CUL9: variants seen among roughly 807,000 people sequenced by gnomAD.
CUL9 encodes the protein cullin 9.
CUL9 carries 79 observed loss-of-function variants against 272.6 expected under a neutral mutation model. The ratio of observed to expected loss-of-function variants is 0.29; its 90% CI spans 0.24 to 0.35. The LOEUF (loss-of-function observed/expected upper bound fraction) is 0.35. Among genes scored for constraint, CUL9 ranks in the 10% least tolerant of loss-of-function variants. CUL9 has a pLI of 1.00. For synonymous variants in CUL9, 1,186 were observed against 1,286.5 expected, an observed-to-expected ratio of 0.92 and a Z score of 1.67; for missense variants, 2,532 against 3,255.6, an observed-to-expected ratio of 0.78 and a Z score of 5.41.
intron 9 of CUL9, among the ~76,000 whole-genome samples, chr6:43,193,616 G>A (rs759657746): frequency 3.9e-5 from 6 of 152,038 alleles, no homozygotes; most frequent in East Asian, 1.9e-4. Flanking sequence ...GCGCTATCTC[G>A]GGTCACTACA....
intron 8 of CUL9, among the ~76,000 whole-genome samples, chr6:43,191,523 G>A (rs1165405378): frequency 7.8e-6 from 1 of 128,126 alleles, no homozygotes; most frequent in Non-Finnish European, 1.6e-5. Flanking sequence ...GTAGAGATGG[G>A]GTCTCACTAT....
intron 11 of CUL9, among the ~76,000 whole-genome samples, chr6:43,197,546 C>T (rs1562029404): frequency 6.6e-6 from 1 of 151,800 alleles, no homozygotes; most frequent in African/African-American, 2.4e-5. Context: ...TGCAGTTGCA[C>T]GATCTCTGCT....
intron 24 of CUL9, 33 bp downstream of exon 24, chr6:43,205,456 A>G: frequency 1.9e-6 from 3 of 1,603,376 alleles, no homozygotes; most frequent in Non-Finnish European, 2.6e-6. Context: ...AGGGGATGGG[A>G]GGCCTAGATC....
chr6:43,213,041 G>A lies in CUL9; in HGVS notation c.5213-108G>A, dbSNP rs1234725025. Reference sequence around the variant, plus strand: ...TATCTCTCTGTCTGAAAATGCTGGGGCCCTCCTCCCCATAGGGACTAGTAG... The same window carrying A: ...TATCTCTCTGTCTGAAAATGCTGGGACCCTCCTCCCCATAGGGACTAGTAG... On this transcript the variant is annotated intron_variant, in intron 26 of 40. Coordinates refer to ENST00000252050, the MANE Select transcript of CUL9 (RefSeq NM_015089.4). The surrounding 1 kb of genome is among the most constrained non-coding windows in gnomAD (Gnocchi z 5.7). 5.6e-6 allele frequency: 7 copies of A among 1,244,080 alleles called. No individual in the cohort carries two copies. The Admixed American group carries it at 1.3e-4, about 24-fold the overall frequency. 77.1% of individuals were successfully genotyped at this position (1,244,080 alleles called of 1,614,324 possible). A position where few individuals can be genotyped will look rare whatever the true frequency, so the allele number is the denominator to read the frequency against.
Position 43,221,788 on chromosome 6 carries a change from TG to T in CUL9, c.6846+13del. The T allele has an allele frequency of 6.2e-7, 1 of 1,609,550 alleles. No individual in the cohort carries two copies. On this transcript the variant is annotated intron_variant, in intron 35 of 40. Coordinates refer to ENST00000252050, the MANE Select transcript of CUL9 (RefSeq NM_015089.4). This position sits in a 1 kb window ranked among gnomAD's most constrained non-coding sequence, Gnocchi z 4.2. ...CAACTGCTCTGCCATGGTAAGGCGC[TG>T]GGCACTAGGGGAGGGCAGAGGCCCA... is the stretch of plus-strand genomic sequence containing the variant.
At position 43,186,467 on chromosome 6, in the gene CUL9, A is replaced by T; in HGVS notation, c.1251+12A>T. On this transcript the variant is annotated intron_variant, in intron 4 of 40. Coordinates refer to ENST00000252050, the MANE Select transcript of CUL9 (RefSeq NM_015089.4). ...TTCCCCCTGTGCAGGTGGGCAGCAC[A>T]TGGTGGTGAGACACTGTTGGGAGTT... The T allele has an allele frequency of 6.4e-7, 1 of 1,574,590 alleles. No individual in the cohort carries two copies. Among genetic ancestry groups the T allele is most frequent in the South Asian group, 1.2e-5 (1 of 85,376 alleles).
rs764292986 is a variant in CUL9, at chr6:43,205,379, C to T, written c.4749C>T (p.Val1583=). 47 of 1,614,162 alleles carry T rather than the reference C, an allele frequency of 2.9e-5. 2 individuals are homozygous for T. The South Asian group carries it at 5.2e-4, about 18-fold the overall frequency. Residue 1583 remains valine (V), a synonymous_variant, in exon 24 of 41, where the codon GTC becomes GTT. Transcript: ENST00000252050. Reference sequence around the variant, plus strand: ...AGCGGCACCTGGAACCCATTATGGTCCTTTCTGGTCTGGAACTGGCCACAA... The same window carrying T: ...AGCGGCACCTGGAACCCATTATGGTTCTTTCTGGTCTGGAACTGGCCACAA... The part of the protein sequence containing the change: ...QLQRHLEPIM[V]LSGLELATTF...
intron 2 of CUL9, 24 bp from the exon 3 acceptor site, chr6:43,185,432 A>G: frequency 6.2e-7 from 1 of 1,608,138 alleles, no homozygotes; most frequent in Non-Finnish European, 8.5e-7. Flanking sequence ...TGAGGAGAAG[A>G]TATGGATTGG....
intron 30 of CUL9, 129 bp downstream of exon 30, chr6:43,215,455 C>G: frequency 7.4e-7 from 1 of 1,354,618 alleles, no homozygotes; most frequent in Admixed American, 2.8e-5. Flanking sequence ...TGTTATTTCC[C>G]TGACTTTGGT....
chr6:43,191,252 T>TTGTGTGTGTGTGTGTGTGTGTG (rs58122260), intron 8 of CUL9, among the ~76,000 whole-genome samples: 2 of 126,974 alleles, frequency 1.6e-5, no homozygotes, highest in African/African-American at 3.2e-5. Flanking sequence ...CTAAATTGCA[T>TTGTGTGTGTGTGTGTGTGTGTG]TGTGTGTGTG....
Position 43,187,786 on chromosome 6 carries a change from G to A in CUL9, c.1655G>A (p.Ser552Asn). The change falls in exon 7 of 41, where the codon AGT (serine) becomes AAT (asparagine). Residue 552 changes from serine (S) to asparagine (N), a missense_variant. Transcript: ENST00000252050. ...EMAESLLQVL[S>N]SRFEGSTLND... is the part of the protein sequence containing the mutation. ...GCCGAGAGTCTGCTGCAGGTTCTCA[G>A]TAGTCGATTTGAGGGCAGCACTCTC... The A allele has an allele frequency of 1.2e-6, 2 of 1,613,928 alleles. No individual in the cohort carries two copies. The highest frequency in any genetic ancestry group is 1.7e-6 in the Non-Finnish European group (2 of 1,179,984).
At chr6:43,188,368 C>T in intron 7 of CUL9, 155 bp from the exon 8 acceptor site, 1 of 834,672 alleles carries the variant, frequency 1.2e-6, no homozygotes. Flanking sequence ...TTTGTTTGAT[C>T]ATTAGATCCC....
Position 43,186,176 on chromosome 6 carries a change from C to A in CUL9, c.972C>A (p.Ser324Arg). ...VRSMGWARNL[S>R]EQGMSPPRPT... ...GCATGGGCTGGGCCCGGAACCTCAG[C>A]GAACAGGGCATGTCACCTCCCCGGC... The change falls in exon 4 of 41, where the codon AGC becomes AGA. Residue 324 changes from serine (S) to arginine (R), a missense_variant. By Grantham distance (110) the Ser-to-Arg change is moderately radical (BLOSUM62 -1). Transcript: ENST00000252050. 2 of 1,614,198 alleles carry A rather than the reference C, an allele frequency of 1.2e-6. No homozygotes were observed. Among genetic ancestry groups the A allele is most frequent in the Non-Finnish European group, 1.7e-6 (2 of 1,180,038 alleles).
rs1193685764 is a variant in CUL9 at position 43,186,321 on chromosome 6, A to G, written c.1117A>G (p.Ser373Gly). 2.5e-6 allele frequency: 4 copies of G among 1,614,228 alleles called. No homozygotes were observed. The highest frequency in any genetic ancestry group is 3.4e-6 in the Non-Finnish European group (4 of 1,180,040). The change falls in exon 4 of 41, where the codon AGT becomes GGT. Residue 373 changes from serine (S) to glycine (G), a missense_variant. Transcript: ENST00000252050. ...CCAGCGCTCTGAATTCTCCAGCCGT[A>G]GTGGCTATGGAGAATATGTGCAGCA... ...FRQRSEFSSR[S>G]GYGEYVQQTL...
intron 11 of CUL9, 132 bp downstream of exon 11, chr6:43,196,994 A>G: frequency 1.4e-6 from 1 of 724,938 alleles, no homozygotes; most frequent in Non-Finnish European, 2.3e-6. Context: ...TTAGGTCTTA[A>G]GTAGAACTTC....
In CUL9 at chr6:43,200,317, G is replaced by A. The variant is rs766994439; in HGVS notation, c.3385-119G>A. The A allele has an allele frequency of 2.6e-5, 40 of 1,542,612 alleles. No homozygotes were observed. Among genetic ancestry groups the A allele is most frequent in the Middle Eastern group, 1.8e-4 (1 of 5,568 alleles). ...ACTCCACATGGTTCTGTCAAAATGT[G>A]GGGAGAGAGGAGTTGAGTATACCGT... On this transcript the variant is annotated intron_variant, in intron 14 of 40. Transcript: ENST00000252050. The surrounding 1 kb of genome is among the most constrained non-coding windows in gnomAD (Gnocchi z 4.0).
At chr6:43,209,247 A>G (rs1308240792) in intron 26 of CUL9, among the ~76,000 whole-genome samples, 1 of 145,252 alleles carries the variant, frequency 6.9e-6, no homozygotes, top group Non-Finnish European at 1.5e-5. Context: ...CCGGGTTCAC[A>G]CCATTCTCCC....
chr6:43,222,845 C>G lies in CUL9; in HGVS notation c.7099C>G (p.Gln2367Glu). ...CGCAGAGTACATGGATGTGGTGGAG[C>G]AGCAGACAGAGAACCTGGAGCTGCA... ...QDAEYMDVVE[Q>E]QTENLELHTN... Residue 2367 changes from glutamine to glutamate, a missense_variant, in exon 38 of 41, where the codon CAG becomes GAG. Gln to Glu is a conservative substitution (Grantham distance 29, BLOSUM62 2). Coordinates refer to ENST00000252050, the MANE Select transcript of CUL9 (RefSeq NM_015089.4). 6.2e-7 allele frequency: 1 copy of G among 1,613,998 alleles called. No individual in the cohort carries two copies. The highest frequency in any genetic ancestry group is 1.7e-5 in the Admixed American group (1 of 60,010).
chr6:43,198,385 T>G, intron 11 of CUL9: 1 of 982,910 alleles, frequency 1.0e-6, no homozygotes, highest in Non-Finnish European at 1.2e-6. Context: ...ATGTCTTGTG[T>G]TTAACTCGAC....
Sources: gnomAD v4.1 joint callset for allele counts (sites outside exome capture counted in the v4.1 genomes callset) on GRCh38, gnomAD v4.1.1 for gene constraint, Gnocchi (gnomAD v3.1) non-coding constraint, MANE v1.5 for transcripts, NCBI Gene and HGNC (gene_info 2026-07-23, HGNC 2026-07-21) for gene names.